The following SORCS2 variants were observed in gnomAD, a reference collection of about 807,000 sequenced individuals.
SORCS2 encodes sortilin related VPS10 domain containing receptor 2.
SORCS2 carries 100 observed loss-of-function variants against 141.6 expected under a neutral mutation model. That is an observed-to-expected ratio of 0.71 (90% CI 0.60 to 0.83). The LOEUF (loss-of-function observed/expected upper bound fraction) is 0.83, where lower values mean the gene tolerates loss of function less well. SORCS2 is among the 40% of genes least tolerant of loss of function. The probability of loss-of-function intolerance (pLI) is 0.00; values close to 1 mark genes in which losing one functional copy is unlikely to be tolerated. For missense variants in SORCS2, 1,646 were observed against 1,560.2 expected (o/e 1.05, Z -0.93); for synonymous variants, 789 against 676.9 (o/e 1.17, Z -2.57).
At chr4:7,533,016 C>T (rs1460866343) in intron 3 of SORCS2, among the ~76,000 whole-genome samples, 1 of 151,552 alleles carries the variant, frequency 6.6e-6, no homozygotes, top group Non-Finnish European at 1.5e-5. Flanking sequence ...GCCCCTGCTT[C>T]TTCCCAGCCC....
intron 4 of SORCS2, among the ~76,000 whole-genome samples, chr4:7,653,387 GCA>G (rs1721558445): frequency 6.6e-6 from 1 of 152,192 alleles, no homozygotes; most frequent in African/African-American, 2.4e-5. Flanking sequence ...GGGATTACAG[GCA>G]TGCGCCACCA....
rs148678855 is a variant in SORCS2, at chr4:7,342,788, G to A, written c.481-53500G>A. Among the ~76,000 whole-genome samples the A allele has an allele frequency of 1.0e-3, 152 of 152,304 alleles. 3 individuals carry two copies. The East Asian group carries it at 0.022, about 22-fold the overall frequency. On this transcript the variant is annotated intron_variant, in intron 1 of 26. Transcript: ENST00000507866. The stretch of plus-strand genomic sequence containing the variant: ...GGGGTAATTGGCCGCTGGCATGGGC[G>A]GTAATTATAACGGTTGTTAACCCGC...
chr4:7,618,896 G>A (rs1210209145), intron 3 of SORCS2, among the ~76,000 whole-genome samples: 1 of 152,076 alleles, frequency 6.6e-6, no homozygotes, highest in Non-Finnish European at 1.5e-5. Flanking sequence ...TCGGGCGGGG[G>A]CAGGAAGCTC....
At chr4:7,581,402 T>G (rs192366879) in intron 3 of SORCS2, among the ~76,000 whole-genome samples, 11 of 152,334 alleles carry the variant, frequency 7.2e-5, no homozygotes, top group Admixed American at 6.5e-4. Flanking sequence ...TCTATTCATC[T>G]TATTGCATAT....
chr4:7,226,715 C>T (rs1476645991), intron 1 of SORCS2, among the ~76,000 whole-genome samples: 2 of 151,888 alleles, frequency 1.3e-5, no homozygotes, highest in African/African-American at 2.4e-5. Flanking sequence ...TGCGGCGGCT[C>T]GGTGTGGAGC....
chr4:7,717,864 G>A (rs988383345), intron 17 of SORCS2, 148 bp from the exon 18 acceptor site: 4 of 740,988 alleles, frequency 5.4e-6, no homozygotes, highest in Non-Finnish European at 8.3e-6. Flanking sequence ...GGTGGAGTCA[G>A]GAGGTGACTG....
intron 3 of SORCS2, among the ~76,000 whole-genome samples, chr4:7,578,427 T>C (rs1005354550): frequency 3.9e-5 from 6 of 152,302 alleles, no homozygotes; most frequent in African/African-American, 7.2e-5. Flanking sequence ...TGACCTAAAG[T>C]CCTTTGAAAG....
At position 7,529,111 on chromosome 4, in the gene SORCS2, T is replaced by C. The variant is rs560104570; in HGVS notation, c.549-2419T>C. On this transcript the variant is annotated intron_variant, in intron 2 of 26. Coordinates refer to ENST00000507866, the MANE Select transcript of SORCS2 (RefSeq NM_020777.3). ...CTGTTTCCAAATAAATCCACACTCA[T>C]GGGTTCTGGGTGCACAGGAATTTGG... 7.9e-5 allele frequency among the ~76,000 whole-genome samples: 12 copies of C among 152,310 alleles called. No homozygotes were observed. The South Asian group carries it at 1.9e-3, about 24-fold the overall frequency.
chr4:7,384,250 C>T (rs1723156735), intron 1 of SORCS2, among the ~76,000 whole-genome samples: 2 of 152,164 alleles, frequency 1.3e-5, no homozygotes, highest in South Asian at 4.1e-4. Flanking sequence ...TCAACTTCCC[C>T]CAAATGGGGA....
At chr4:7,604,358 C>A (rs1717923813) in intron 3 of SORCS2, among the ~76,000 whole-genome samples, 1 of 152,242 alleles carries the variant, frequency 6.6e-6, no homozygotes, top group Admixed American at 6.5e-5. Context: ...CGCTCTGTCG[C>A]CCAGGCTGGA....
chr4:7,579,719 G>T (rs1383617242), intron 3 of SORCS2, among the ~76,000 whole-genome samples: 1 of 152,192 alleles, frequency 6.6e-6, no homozygotes, highest in Non-Finnish European at 1.5e-5. Context: ...AGCATTCAGT[G>T]TGCAGAGGTG....
At chr4:7,527,744 G>A (rs544519135) in intron 2 of SORCS2, among the ~76,000 whole-genome samples, 1 of 152,282 alleles carries the variant, frequency 6.6e-6, no homozygotes, top group Non-Finnish European at 1.5e-5. Flanking sequence ...GCTGAGCCTG[G>A]GGCCCTCATG....
chr4:7,583,211 G>C (rs1373498356), intron 3 of SORCS2, among the ~76,000 whole-genome samples: 1 of 152,166 alleles, frequency 6.6e-6, no homozygotes, highest in East Asian at 1.9e-4. Context: ...TCTAGTGCCT[G>C]AAAGAATTCC....
chr4:7,337,108 C>A lies in SORCS2; in HGVS notation c.481-59180C>A, dbSNP rs556698990. Among the ~76,000 whole-genome samples the A allele has an allele frequency of 2.6e-5, 4 of 152,284 alleles. No individual in the cohort carries two copies. The East Asian group carries it at 7.7e-4, about 29-fold the overall frequency. On this transcript the variant is annotated intron_variant, in intron 1 of 26. Transcript: ENST00000507866. ...GTCAGAGTCCATGTCATGACCCACTCCCGTCTGGAGCCTCACCGAGGGCAG... is the reference window on the plus strand; with the variant it reads ...GTCAGAGTCCATGTCATGACCCACTACCGTCTGGAGCCTCACCGAGGGCAG...
chr4:7,669,553 A>T (rs910037265), intron 8 of SORCS2, among the ~76,000 whole-genome samples: 1 of 152,200 alleles, frequency 6.6e-6, no homozygotes, highest in Non-Finnish European at 1.5e-5. Context: ...TGGCTAATTG[A>T]ATTTCCTCAT....
intron 8 of SORCS2, among the ~76,000 whole-genome samples, chr4:7,670,124 GGGCTGCTGTCACAAACAAA>G (rs1356988692): frequency 7.9e-5 from 12 of 152,192 alleles, no homozygotes; most frequent in Non-Finnish European, 1.3e-4. Context: ...TGGGCAAGCT[GGGCTGCTGTCACAAACAAA>G]GTTGGAATAG....
intron 2 of SORCS2, among the ~76,000 whole-genome samples, chr4:7,489,323 A>T (rs2109395854): frequency 6.6e-6 from 1 of 152,278 alleles, no homozygotes; most frequent in Non-Finnish European, 1.5e-5. Context: ...CCCTAAACCC[A>T]CTTCCTAATT....
chr4:7,215,522 G>A (rs999285826), intron 1 of SORCS2, among the ~76,000 whole-genome samples: 1 of 152,254 alleles, frequency 6.6e-6, no homozygotes, highest in Non-Finnish European at 1.5e-5. Flanking sequence ...CGAGTGCATG[G>A]CGCCGGACTG....
intron 14 of SORCS2, among the ~76,000 whole-genome samples, chr4:7,706,690 G>C (rs1271924577): frequency 7.0e-6 from 1 of 142,312 alleles, no homozygotes; most frequent in African/African-American, 2.7e-5. Flanking sequence ...TCCTGGGCAG[G>C]GATGAGGCTG....
Sources: gnomAD v4.1 joint callset for allele counts (sites outside exome capture counted in the v4.1 genomes callset) on GRCh38, gnomAD v4.1.1 for gene constraint, MANE v1.5 for transcripts, NCBI Gene and HGNC (gene_info 2026-07-23, HGNC 2026-07-21) for gene names.